Variants in GRIK2 observed in about 807,000 individuals in gnomAD.
GRIK2 encodes glutamate ionotropic receptor kainate type subunit 2.
A neutral mutation model predicts 100.3 loss-of-function variants in GRIK2; 32 were observed. The observed-to-expected ratio is 0.32, with a 90% confidence interval of 0.24 to 0.43. The LOEUF (loss-of-function observed/expected upper bound fraction) is 0.43, where lower values mean the gene tolerates loss of function less well. Among genes scored for constraint, GRIK2 ranks in the 20% least tolerant of loss-of-function variants. GRIK2 has a pLI of 1.00. For missense variants in GRIK2, 843 were observed against 1,114.9 expected (o/e 0.76, Z 3.47); for synonymous variants, 417 against 389.4 (o/e 1.07, Z -0.83).
intron 14 of GRIK2, among the ~76,000 whole-genome samples, chr6:101,948,177 G>T (rs1360731448): frequency 6.6e-6 from 1 of 151,948 alleles, no homozygotes; most frequent in Non-Finnish European, 1.5e-5. Context: ...GAACAAACAG[G>T]AAAACGGAGT....
intron 14 of GRIK2, among the ~76,000 whole-genome samples, chr6:101,975,809 G>GTCTGTCTATCTATCTATCTATCTATCTA (rs141650149): frequency 1.3e-3 from 186 of 147,512 alleles, no homozygotes; most frequent in Middle Eastern, 3.4e-3. Context: ...CTATCTATCT[G>GTCTGTCTATCTATCTATCTATCTATCTA]TCTATCTATC....
chr6:101,449,265 A>G (rs1770539671), intron 2 of GRIK2, among the ~76,000 whole-genome samples: 1 of 151,704 alleles, frequency 6.6e-6, no homozygotes, highest in African/African-American at 2.4e-5. Flanking sequence ...ATTTGTAAGA[A>G]TATAAAGTGA....
At chr6:101,599,814 G>T (rs471128) in intron 2 of GRIK2, among the ~76,000 whole-genome samples, 45,223 of 151,456 alleles carry the variant, frequency 0.3, 7,456 homozygotes, top group African/African-American at 0.43. Flanking sequence ...CTTAGTAAAA[G>T]GCATATTTTG....
intron 10 of GRIK2, among the ~76,000 whole-genome samples, chr6:101,854,179 A>G (rs1023790559): frequency 3.9e-5 from 6 of 152,128 alleles, no homozygotes; most frequent in Non-Finnish European, 7.4e-5. Context: ...GGCCTCTAGG[A>G]GGGGTAGGGA....
At chr6:101,497,634 C>T (rs1243261340) in intron 2 of GRIK2, among the ~76,000 whole-genome samples, 1 of 151,810 alleles carries the variant, frequency 6.6e-6, no homozygotes, top group Non-Finnish European at 1.5e-5. Context: ...GTTTATATAC[C>T]TAACATATTA....
chr6:101,741,755 T>C (rs1583055795), intron 7 of GRIK2, among the ~76,000 whole-genome samples: 2 of 152,222 alleles, frequency 1.3e-5, no homozygotes, highest in African/African-American at 4.8e-5. Flanking sequence ...TCATTTTCTG[T>C]AGCTCAAATG....
At chr6:101,933,812 C>A (rs1011107554) in intron 14 of GRIK2, among the ~76,000 whole-genome samples, 5 of 151,834 alleles carry the variant, frequency 3.3e-5, no homozygotes, top group Non-Finnish European at 7.4e-5. Context: ...ACATAGAGCC[C>A]TCTATAGCTT....
intron 2 of GRIK2, among the ~76,000 whole-genome samples, chr6:101,576,938 A>T (rs1186364327): frequency 1.3e-5 from 2 of 152,124 alleles, no homozygotes; most frequent in Non-Finnish European, 2.9e-5. Context: ...TTGAATAAAC[A>T]TATAATGAAC....
At chr6:102,050,758 GA>G (rs1222321701) in intron 15 of GRIK2, among the ~76,000 whole-genome samples, 1 of 150,566 alleles carries the variant, frequency 6.6e-6, no homozygotes, top group African/African-American at 2.4e-5. Flanking sequence ...AGTAGGGAGG[GA>G]AAAAAGGAGA....
intron 15 of GRIK2, among the ~76,000 whole-genome samples, chr6:102,052,458 ACATT>A (rs1342294874): frequency 6.6e-6 from 1 of 152,166 alleles, no homozygotes; most frequent in Non-Finnish European, 1.5e-5. Context: ...TTGTATATTC[ACATT>A]CAATGCTGGA....
intron 7 of GRIK2, among the ~76,000 whole-genome samples, chr6:101,759,259 A>G (rs1777331053): frequency 6.6e-6 from 1 of 152,152 alleles, no homozygotes; most frequent in South Asian, 2.1e-4. Flanking sequence ...TGAACATGCT[A>G]TTGAAGATTA....
chr6:101,514,831 C>G (rs979902331), intron 2 of GRIK2, among the ~76,000 whole-genome samples: 1 of 152,076 alleles, frequency 6.6e-6, no homozygotes, highest in Non-Finnish European at 1.5e-5. Context: ...AATTCTAAAA[C>G]GACATGGTAT....
At chr6:101,910,173 A>G (rs1233838837) in intron 12 of GRIK2, among the ~76,000 whole-genome samples, 1 of 151,230 alleles carries the variant, frequency 6.6e-6, no homozygotes, top group African/African-American at 2.4e-5. Context: ...AATTAAAAAT[A>G]GAATGTCTGC....
chr6:102,019,476 C>T (rs184632591), intron 14 of GRIK2, among the ~76,000 whole-genome samples: 168 of 152,144 alleles, frequency 1.1e-3, no homozygotes, highest in African/African-American at 3.8e-3. Flanking sequence ...TACTCAGATG[C>T]TCACATTTTA....
chr6:101,858,139 GTTTTC>G (rs763406249), intron 10 of GRIK2, among the ~76,000 whole-genome samples: 27 of 152,208 alleles, frequency 1.8e-4, no homozygotes, highest in Middle Eastern at 3.4e-3. Flanking sequence ...CCTTGCAGTT[GTTTTC>G]TTTTCTATTG....
chr6:101,606,038 ATGGTTAATTAAGTCACCACCAG>A (rs1779423228), intron 2 of GRIK2, among the ~76,000 whole-genome samples: 1 of 151,988 alleles, frequency 6.6e-6, no homozygotes, highest in Non-Finnish European at 1.5e-5. Context: ...TACAAGGTCA[ATGGTTAATTAAGTCACCACCAG>A]TGGAAATTTG....
intron 2 of GRIK2, among the ~76,000 whole-genome samples, chr6:101,587,970 TAATG>T (rs1322558358): frequency 1.3e-5 from 2 of 151,950 alleles, no homozygotes; most frequent in African/African-American, 4.8e-5. Flanking sequence ...TTTAAATAAT[TAATG>T]GCTCAAAAAT....
intron 1 of GRIK2, among the ~76,000 whole-genome samples, chr6:101,395,385 T>C (rs1774961894): frequency 6.6e-6 from 1 of 152,054 alleles, no homozygotes; most frequent in African/African-American, 2.4e-5. Flanking sequence ...ATGTGAAAAA[T>C]TTAAATATAG....
intron 16 of GRIK2, among the ~76,000 whole-genome samples, chr6:102,063,686 T>G (rs1010444217): frequency 6.6e-6 from 1 of 150,532 alleles, no homozygotes; most frequent in Non-Finnish European, 1.5e-5. Context: ...AACAATGATA[T>G]TCTTGAAAAC....
Sources: allele counts gnomAD v4.1 joint callset (sites outside exome capture counted in the v4.1 genomes callset), GRCh38; gene constraint gnomAD v4.1.1; transcripts MANE v1.5; gene names NCBI Gene and HGNC (gene_info 2026-07-23, HGNC 2026-07-21).